ZNF518A: variants seen among roughly 807,000 people sequenced by gnomAD.
ZNF518A encodes zinc finger protein 518.
In ZNF518A, 47 loss-of-function variants were observed where a neutral mutation model predicts 102.7. The observed-to-expected ratio is 0.46, with a 90% CI of 0.36 to 0.58. The LOEUF (loss-of-function observed/expected upper bound fraction) is 0.58, where lower values mean the gene tolerates loss of function less well. Ranked by LOEUF, ZNF518A falls within the 20% of genes least tolerant of loss-of-function variation. The probability of loss-of-function intolerance (pLI) is 0.00; values close to 1 mark genes in which losing one functional copy is unlikely to be tolerated. For missense variants in ZNF518A, 1,793 were observed against 1,699.8 expected (o/e 1.05, Z -0.96); for synonymous variants, 652 against 594.6 (o/e 1.10, Z -1.40).
At chr10:96,166,496 A>G (rs1205234475), downstream of ZNF518A, among the ~76,000 whole-genome samples, 4 of 152,164 alleles carry the variant, frequency 2.6e-5, no homozygotes, top group African/African-American at 9.7e-5. Context: ...GAGGCCAGGC[A>G]CGGTGGCTCA....
At chr10:96,137,759 C>G (rs1233066616) in intron 3 of ZNF518A, among the ~76,000 whole-genome samples, 4 of 152,148 alleles carry the variant, frequency 2.6e-5, no homozygotes, top group African/African-American at 9.7e-5. Flanking sequence ...TCATCCTGCT[C>G]CAAGTACTTG....
chr10:96,203,948 G>C, exon 3 of ZNF518A: 1 of 851,766 alleles, frequency 1.2e-6, no homozygotes, highest in Non-Finnish European at 2.0e-6. Context: ...GAAGATGCCA[G>C]GATAACGCAG....
chr10:96,168,761 T>A (rs781887677), intron 1 of ZNF518A, among the ~76,000 whole-genome samples: 46 of 152,236 alleles, frequency 3.0e-4, no homozygotes, highest in Admixed American at 2.0e-4. Flanking sequence ...GATGACTCAC[T>A]TCTTTCTGTC....
At chr10:96,188,179 A>G (rs1554892816) in intron 1 of ZNF518A, among the ~76,000 whole-genome samples, 2 of 152,248 alleles carry the variant, frequency 1.3e-5, no homozygotes, top group East Asian at 3.8e-4. Context: ...CTCATCAAGA[A>G]TACCACTTGC....
At chr10:96,173,997 CATAA>C (rs2083188841) in intron 1 of ZNF518A, among the ~76,000 whole-genome samples, 5 of 152,104 alleles carry the variant, frequency 3.3e-5, no homozygotes, top group Admixed American at 2.6e-4. Context: ...GAACAATACT[CATAA>C]ATAATCAATG....
intron 1 of ZNF518A, among the ~76,000 whole-genome samples, chr10:96,174,766 C>A (rs2133886404): frequency 8.1e-6 from 1 of 124,020 alleles, no homozygotes; most frequent in Non-Finnish European, 1.9e-5. Context: ...AGATAGATAG[C>A]AATTCTTTAC....
chr10:96,197,143 G>C, intron 1 of ZNF518A: 1 of 1,107,286 alleles, frequency 9.0e-7, no homozygotes, highest in Non-Finnish European at 1.3e-6. Context: ...ATTTTGTGAA[G>C]AACACCTATA....
At chr10:96,190,228 G>T in intron 1 of ZNF518A, 1 of 753,490 alleles carries the variant, frequency 1.3e-6, no homozygotes, top group South Asian at 1.3e-5. Flanking sequence ...ATCAGGTGGC[G>T]GCACACACTT....
At chr10:96,196,750 A>G (rs587622897) in intron 1 of ZNF518A, among the ~76,000 whole-genome samples, 15 of 152,344 alleles carry the variant, frequency 9.8e-5, no homozygotes, top group African/African-American at 3.1e-4. Flanking sequence ...TATACTGCCT[A>G]AATATAGTAT....
In ZNF518A at chr10:96,156,378, A is replaced by G; in HGVS notation, c.56A>G (p.Lys19Arg). 6.3e-7 allele frequency: 1 copy of G among 1,594,516 alleles called. No individual in the cohort carries two copies. Among genetic ancestry groups the G allele is most frequent in the Non-Finnish European group, 8.5e-7 (1 of 1,174,346 alleles). Residue 19 changes from lysine (K) to arginine (R), a missense_variant, in exon 6 of 6, where the codon AAA becomes AGA. By Grantham distance (26) the Lys-to-Arg change is conservative. Around this residue, in one of 3 missense-constraint regions of ZNF518A, gnomAD observed 1,741 missense variants for 1,622.6 expected, o/e 1.07. Coordinates refer to ENST00000316045, the MANE Select transcript of ZNF518A (RefSeq NM_001330736.2). Reference sequence around the variant, plus strand: ...GATGAAAAACAAACTACTTTAAAAAAAGATTATGATGTGAAAAATGAGATA... The same window carrying G: ...GATGAAAAACAAACTACTTTAAAAAGAGATTATGATGTGAAAAATGAGATA... ...FCDEKQTTLK[K>R]DYDVKNEIVD...
chr10:96,204,120 C>G, exon 3 of ZNF518A: 1 of 1,612,778 alleles, frequency 6.2e-7, no homozygotes, highest in Non-Finnish European at 8.5e-7. Flanking sequence ...AATTAAAGGA[C>G]AAAGCACAAT....
chr10:96,201,162 C>A (rs1297633891), intron 1 of ZNF518A: 36 of 1,045,582 alleles, frequency 3.4e-5, no homozygotes, highest in Admixed American at 2.6e-4. Context: ...GACACATCCA[C>A]CAAAAAAAAT....
At position 96,159,952 on chromosome 10, in the gene ZNF518A, T is replaced by A; in HGVS notation, c.3630T>A (p.Ser1210=). Residue 1210 remains serine (S), a synonymous_variant, in exon 6 of 6, where the codon TCT becomes TCA. Transcript: ENST00000316045. Reference sequence around the variant, plus strand: ...CAGCAAATGAAATTGTGATAACTTCTACTGCAACATGCCCAGAATCTTCTG... The same window carrying A: ...CAGCAAATGAAATTGTGATAACTTCAACTGCAACATGCCCAGAATCTTCTG... ...LMPANEIVIT[S]TATCPESSEE... 8.7e-6 allele frequency: 14 copies of A among 1,613,558 alleles called. No homozygotes were observed. Among genetic ancestry groups the A allele is most frequent in the Non-Finnish European group, 1.2e-5 (14 of 1,179,702 alleles).
chr10:96,159,165 C>G lies in ZNF518A; in HGVS notation c.2843C>G (p.Pro948Arg). The change falls in exon 6 of 6, where the codon CCT becomes CGT. Residue 948 changes from proline to arginine, a missense_variant. Pro to Arg is a moderately radical substitution (Grantham distance 103). Coordinates refer to ENST00000316045, the MANE Select transcript of ZNF518A (RefSeq NM_001330736.2). Reference sequence around the variant, plus strand: ...ATACCATTGAACATTACTAACAAGCCTGGGCTACCAGTTATTCCTGGAAAT... The same window carrying G: ...ATACCATTGAACATTACTAACAAGCGTGGGCTACCAGTTATTCCTGGAAAT... ...FLIPLNITNKPGLPVIPGNAL... is the reference protein window; with the variant it reads ...FLIPLNITNKRGLPVIPGNAL... 1.2e-6 allele frequency: 2 copies of G among 1,613,724 alleles called. No individual in the cohort carries two copies. Among genetic ancestry groups the G allele is most frequent in the Non-Finnish European group, 8.5e-7 (1 of 1,179,734 alleles).
At chr10:96,189,370 T>C in intron 1 of ZNF518A, 1 of 570,150 alleles carries the variant, frequency 1.8e-6, no homozygotes, top group Non-Finnish European at 3.3e-6. Flanking sequence ...CTAAAGAGAC[T>C]TCCTCCACTG....
At chr10:96,192,152 C>T (rs2083342549) in intron 1 of ZNF518A, 1 of 1,597,110 alleles carries the variant, frequency 6.3e-7, no homozygotes, top group African/African-American at 1.3e-5. Context: ...TTGAGCTCCA[C>T]TCCTCCCATC....
rs1347828100 is a variant in ZNF518A at position 96,162,103 on chromosome 10, C to T, written c.*1329C>T. On this transcript the variant is annotated 3_prime_UTR_variant, in exon 6 of 6. Coordinates refer to ENST00000316045, the MANE Select transcript of ZNF518A (RefSeq NM_001330736.2). ...GTTACATTGTTACAAGTGTTAATGA[C>T]ATTTTCATTAATGGATGAAAACTTC... 6.0e-6 allele frequency: 1 copy of T among 166,850 alleles called. No homozygotes were observed. Among genetic ancestry groups the T allele is most frequent in the African/African-American group, 2.4e-5 (1 of 41,434 alleles). The allele number at this position is 166,850 out of a possible 1,614,324, so 10.3% of individuals were successfully genotyped here.
intron 1 of ZNF518A, among the ~76,000 whole-genome samples, chr10:96,197,316 T>C (rs1554894941): frequency 6.6e-6 from 1 of 152,172 alleles, no homozygotes; most frequent in Non-Finnish European, 1.5e-5. Context: ...AATTAATTAA[T>C]TATTTTTAGA....
intron 1 of ZNF518A, among the ~76,000 whole-genome samples, chr10:96,175,109 T>A (rs11188646): frequency 6.6e-6 from 1 of 152,284 alleles, no homozygotes; most frequent in Admixed American, 6.5e-5. Flanking sequence ...ATGCCTGTTG[T>A]CTGAGCCACT....
Sources: gnomAD v4.1 joint callset for allele counts (sites outside exome capture counted in the v4.1 genomes callset) on GRCh38, gnomAD v4.1.1 for gene constraint, gnomAD v4.1.1 regional missense constraint, MANE v1.5 for transcripts, NCBI Gene and HGNC (gene_info 2026-07-23, HGNC 2026-07-21) for gene names.